The following GRIK1 variants were observed in gnomAD, a reference collection of about 807,000 sequenced individuals.
The protein encoded by GRIK1 is glutamate ionotropic receptor kainate type subunit 1, also known as glutamate receptor ionotropic, kainate 1.
Under a neutral mutation model 105.7 loss-of-function variants are expected in GRIK1, and 69 were observed. That is an observed-to-expected ratio of 0.65 (90% CI 0.54 to 0.80). The LOEUF (loss-of-function observed/expected upper bound fraction) is 0.80. GRIK1 is among the 30% of genes least tolerant of loss of function. The pLI is 0.00. For missense variants in GRIK1, 1,109 were observed against 1,167.3 expected, an observed-to-expected ratio of 0.95 and a Z score of 0.73; for synonymous variants, 438 against 431.3, an observed-to-expected ratio of 1.02 and a Z score of -0.19.
chr21:29,587,995 G>T (rs2091170184), intron 11 of GRIK1, among the ~76,000 whole-genome samples: 1 of 55,026 alleles, frequency 1.8e-5, no homozygotes, highest in Non-Finnish European at 3.1e-5. Flanking sequence ...TTTTTTGTGA[G>T]GCGGAGTCTC....
rs773790066 is a variant in GRIK1 at position 29,814,080 on chromosome 21, AAT to A, written c.119-120019_119-120018del. 5.4e-5 allele frequency among the ~76,000 whole-genome samples: 8 copies of A among 146,924 alleles called. No homozygotes were observed. In the East Asian group the frequency reaches 1.6e-3, roughly 29 times the overall value. On this transcript the variant is annotated intron_variant, in intron 1 of 17. Transcript: ENST00000327783. ...CAGGTGCGTGCCACCACACCTGGCT[AAT>A]ATATATATATAAAATAATAATAATA...
chr21:29,812,364 T>C (rs2067034766), intron 1 of GRIK1, among the ~76,000 whole-genome samples: 2 of 152,154 alleles, frequency 1.3e-5, no homozygotes, highest in South Asian at 4.1e-4. Context: ...CCCTTCACTC[T>C]CTTATTCAAG....
intron 1 of GRIK1, among the ~76,000 whole-genome samples, chr21:29,735,994 T>C (rs896537507): frequency 1.3e-5 from 2 of 152,154 alleles, no homozygotes; most frequent in African/African-American, 4.8e-5. Flanking sequence ...TCAAGTCAAA[T>C]GTTTTTCCCT....
intron 16 of GRIK1, 47 bp downstream of exon 16, chr21:29,555,005 G>C: frequency 6.7e-7 from 1 of 1,500,722 alleles, no homozygotes; most frequent in Non-Finnish European, 9.1e-7. Flanking sequence ...ACTTAAGACA[G>C]ATAATGCAAA....
At chr21:29,843,318 C>T (rs144125983) in intron 1 of GRIK1, among the ~76,000 whole-genome samples, 1 of 152,026 alleles carries the variant, frequency 6.6e-6, no homozygotes, top group Admixed American at 6.6e-5. Flanking sequence ...TGTAACTTGG[C>T]CTTTTGAGGA....
At chr21:29,555,005 G>A (rs753386423) in intron 16 of GRIK1, 47 bp downstream of exon 16, 1 of 1,500,722 alleles carries the variant, frequency 6.7e-7, no homozygotes, top group Admixed American at 1.8e-5. Context: ...ACTTAAGACA[G>A]ATAATGCAAA....
chr21:29,816,996 A>T (rs1178890575), intron 1 of GRIK1, among the ~76,000 whole-genome samples: 1 of 152,168 alleles, frequency 6.6e-6, no homozygotes, highest in Non-Finnish European at 1.5e-5. Flanking sequence ...AAATATGCTG[A>T]TTTGATCATT....
At chr21:29,913,948 T>A (rs138848880) in intron 1 of GRIK1, among the ~76,000 whole-genome samples, 569 of 152,156 alleles carry the variant, frequency 3.7e-3, no homozygotes, top group African/African-American at 0.011. Flanking sequence ...CCTTTTTGTA[T>A]TTTGCTTTTG....
At chr21:29,683,498 G>A (rs1044423869) in intron 3 of GRIK1, among the ~76,000 whole-genome samples, 4 of 152,168 alleles carry the variant, frequency 2.6e-5, no homozygotes, top group Non-Finnish European at 4.4e-5. Context: ...GCTGGAGGCC[G>A]TTATCCTAAG....
intron 1 of GRIK1, among the ~76,000 whole-genome samples, chr21:29,866,917 C>T (rs575951243): frequency 1.3e-5 from 2 of 152,196 alleles, no homozygotes; most frequent in East Asian, 3.9e-4. Context: ...CCTTTTGAGT[C>T]CTGCACTCAG....
intron 1 of GRIK1, among the ~76,000 whole-genome samples, chr21:29,915,928 G>C (rs1047953577): frequency 2.5e-4 from 38 of 151,970 alleles, no homozygotes; most frequent in African/African-American, 8.9e-4. Context: ...CAGAGAGAAA[G>C]AAAACACTCA....
intron 1 of GRIK1, among the ~76,000 whole-genome samples, chr21:29,878,799 G>A (rs2069286723): frequency 1.3e-5 from 2 of 152,036 alleles, no homozygotes; most frequent in Admixed American, 6.6e-5. Context: ...AAATCTGCCA[G>A]CACCTTGATC....
intron 1 of GRIK1, among the ~76,000 whole-genome samples, chr21:29,808,046 C>T (rs1412130881): frequency 6.6e-6 from 1 of 152,118 alleles, no homozygotes; most frequent in East Asian, 1.9e-4. Context: ...CAGGATTGGC[C>T]TATTCTCCAC....
chr21:29,761,305 C>G (rs1361182826), intron 1 of GRIK1: 1 of 152,238 alleles, frequency 6.6e-6, no homozygotes, highest in Non-Finnish European at 1.5e-5. Flanking sequence ...TTCTCGAACT[C>G]ATGAACGCAT....
chr21:29,929,664 T>C (rs768161944), intron 1 of GRIK1, among the ~76,000 whole-genome samples: 2 of 152,128 alleles, frequency 1.3e-5, no homozygotes, highest in Non-Finnish European at 2.9e-5. Context: ...AAAAGAAAAT[T>C]AACAAATGCT....
At chr21:29,887,657 G>A (rs993897648) in intron 1 of GRIK1, among the ~76,000 whole-genome samples, 2 of 152,144 alleles carry the variant, frequency 1.3e-5, no homozygotes, top group Non-Finnish European at 2.9e-5. Context: ...GGGTCCAGCT[G>A]TTCAGTAATG....
intron 1 of GRIK1, among the ~76,000 whole-genome samples, chr21:29,856,578 C>G (rs1479230380): frequency 1.3e-5 from 2 of 152,056 alleles, no homozygotes; most frequent in Non-Finnish European, 2.9e-5. Flanking sequence ...TTTGCTTAGC[C>G]CCACCTAAGT....
chr21:29,601,709 CT>C (rs1351220637), intron 7 of GRIK1, among the ~76,000 whole-genome samples: 2 of 152,214 alleles, frequency 1.3e-5, no homozygotes, highest in African/African-American at 4.8e-5. Flanking sequence ...TTATACACCC[CT>C]CTGACCAGTA....
intron 2 of GRIK1, 107 bp downstream of exon 2, chr21:29,693,789 T>A: frequency 1.3e-6 from 1 of 788,416 alleles, no homozygotes; most frequent in East Asian, 2.5e-5. Flanking sequence ...CCGCGACCCA[T>A]TTGCACAAAG....
Sources: allele counts gnomAD v4.1 joint callset (sites outside exome capture counted in the v4.1 genomes callset), GRCh38; gene constraint gnomAD v4.1.1; transcripts MANE v1.5; gene names NCBI Gene and HGNC (gene_info 2026-07-23, HGNC 2026-07-21).